PLCB1: variants seen among roughly 807,000 people sequenced by gnomAD.
PLCB1 encodes the protein 1-phosphatidylinositol 4,5-bisphosphate phosphodiesterase beta-1.
A neutral mutation model predicts 161.8 loss-of-function variants in PLCB1; 46 were observed. That is an observed-to-expected ratio of 0.28 (90% confidence interval 0.22 to 0.36). The LOEUF is 0.36. Among genes scored for constraint, PLCB1 ranks in the 10% least tolerant of loss-of-function variants. PLCB1 has a pLI of 1.00. For synonymous variants in PLCB1, 517 were observed against 503.7 expected (o/e 1.03, Z -0.35); for missense variants, 1,016 against 1,472.5 (o/e 0.69, Z 5.07).
At chr20:8,168,851 T>C (rs1361083997) in intron 2 of PLCB1, among the ~76,000 whole-genome samples, 3 of 152,098 alleles carry the variant, frequency 2.0e-5, no homozygotes, top group Non-Finnish European at 4.4e-5. Context: ...TTGGGATTCT[T>C]TACTGCAGAA....
chr20:8,845,551 T>C (rs1479369637), intron 31 of PLCB1, among the ~76,000 whole-genome samples: 1 of 152,208 alleles, frequency 6.6e-6, no homozygotes, highest in Non-Finnish European at 1.5e-5. Flanking sequence ...GGTTACCCTA[T>C]GGGATAGCAC....
chr20:8,243,030 A>G (rs543413354), intron 2 of PLCB1, among the ~76,000 whole-genome samples: 1 of 152,116 alleles, frequency 6.6e-6, no homozygotes, highest in South Asian at 2.1e-4. Flanking sequence ...CTAAATTTGC[A>G]TCGTTACGGG....
chr20:8,586,911 C>T (rs1219801889), intron 3 of PLCB1, among the ~76,000 whole-genome samples: 20 of 151,980 alleles, frequency 1.3e-4, no homozygotes, highest in Admixed American at 1.3e-3. Flanking sequence ...GTAAGTACAC[C>T]ATGGAATCTG....
chr20:8,776,930 A>T (rs76392363), intron 27 of PLCB1, among the ~76,000 whole-genome samples: 2 of 152,250 alleles, frequency 1.3e-5, no homozygotes, highest in East Asian at 1.9e-4. Flanking sequence ...GGCGATTTTA[A>T]ATAGAGTAGG....
chr20:8,578,234 G>A (rs1403394878), intron 3 of PLCB1, among the ~76,000 whole-genome samples: 1 of 152,164 alleles, frequency 6.6e-6, no homozygotes, highest in East Asian at 1.9e-4. Context: ...TTTTTGCTGA[G>A]TGAGCCAACT....
At chr20:8,329,479 T>C (rs1214289685) in intron 2 of PLCB1, among the ~76,000 whole-genome samples, 1 of 152,100 alleles carries the variant, frequency 6.6e-6, no homozygotes, top group Non-Finnish European at 1.5e-5. Context: ...CCACCACATC[T>C]ACAGCTGTTT....
At chr20:8,563,981 A>G (rs1019703380) in intron 3 of PLCB1, among the ~76,000 whole-genome samples, 1 of 152,204 alleles carries the variant, frequency 6.6e-6, no homozygotes, top group Admixed American at 6.5e-5. Context: ...TCTTCACAGA[A>G]TTAGAAAAAT....
intron 17 of PLCB1, among the ~76,000 whole-genome samples, chr20:8,727,634 C>T (rs1239960729): frequency 1.3e-5 from 2 of 152,054 alleles, no homozygotes; most frequent in Non-Finnish European, 2.9e-5. Context: ...CACCACCAAG[C>T]TCTGTGTCTT....
intron 3 of PLCB1, among the ~76,000 whole-genome samples, chr20:8,486,962 G>T (rs1402032577): frequency 2.0e-5 from 3 of 152,218 alleles, no homozygotes; most frequent in Non-Finnish European, 4.4e-5. Context: ...GTTGCAGGTG[G>T]CATAAGGCTT....
At chr20:8,790,761 G>A (rs1983716405) in intron 31 of PLCB1, among the ~76,000 whole-genome samples, 1 of 152,138 alleles carries the variant, frequency 6.6e-6, no homozygotes, top group Non-Finnish European at 1.5e-5. Context: ...GTTGATTGGG[G>A]CTCTGCTTTA....
intron 7 of PLCB1, chr20:8,651,796 C>A: frequency 3.1e-6 from 1 of 323,404 alleles, no homozygotes; most frequent in Non-Finnish European, 5.6e-6. Flanking sequence ...GAAGCTCATT[C>A]CAGAAAAAGA....
At chr20:8,268,123 C>G (rs6140576) in intron 2 of PLCB1, among the ~76,000 whole-genome samples, 11,602 of 152,060 alleles carry the variant, frequency 0.076, 558 homozygotes, top group East Asian at 0.19. Flanking sequence ...CCTCTCCCCC[C>G]ACCTCATGAC....
intron 23 of PLCB1, chr20:8,751,860 T>G (rs1981497474): frequency 6.6e-6 from 1 of 152,232 alleles, no homozygotes; most frequent in Non-Finnish European, 1.5e-5. Flanking sequence ...GTACCAGATT[T>G]TTATTCACTC....
intron 31 of PLCB1, among the ~76,000 whole-genome samples, chr20:8,799,770 C>T (rs960794974): frequency 6.6e-6 from 1 of 152,168 alleles, no homozygotes; most frequent in Non-Finnish European, 1.5e-5. Flanking sequence ...CACAGATGCT[C>T]AGGTCCTTTA....
chr20:8,279,878 G>A (rs1008942445), intron 2 of PLCB1, among the ~76,000 whole-genome samples: 1 of 152,150 alleles, frequency 6.6e-6, no homozygotes, highest in African/African-American at 2.4e-5. Context: ...GAAAGGAACT[G>A]CCCTAGAAGG....
chr20:8,684,232 ATTTAT>A (rs1990299326), intron 9 of PLCB1, among the ~76,000 whole-genome samples: 2 of 38,316 alleles, frequency 5.2e-5, no homozygotes, highest in South Asian at 1.2e-3. Flanking sequence ...CTTGTAAATT[ATTTAT>A]TTATTTATTT....
chr20:8,674,876 A>G (rs1990036299), intron 9 of PLCB1, among the ~76,000 whole-genome samples: 1 of 152,172 alleles, frequency 6.6e-6, no homozygotes, highest in Admixed American at 6.5e-5. Flanking sequence ...AGTAAGAGGG[A>G]CTGGTGAAGG....
intron 3 of PLCB1, among the ~76,000 whole-genome samples, chr20:8,378,152 T>TA (rs1987151015): frequency 6.6e-6 from 1 of 152,220 alleles, no homozygotes; most frequent in African/African-American, 2.4e-5. Context: ...CGCATACACT[T>TA]ACAATGGAAT....
chr20:8,603,136 C>A (rs1987645402), intron 3 of PLCB1, among the ~76,000 whole-genome samples: 1 of 152,158 alleles, frequency 6.6e-6, no homozygotes, highest in Non-Finnish European at 1.5e-5. Context: ...AAAATAAATT[C>A]TACTTTCTCT....
Sources: allele counts gnomAD v4.1 joint callset (sites outside exome capture counted in the v4.1 genomes callset), GRCh38; gene constraint gnomAD v4.1.1; transcripts MANE v1.5; gene names NCBI Gene and HGNC (gene_info 2026-07-23, HGNC 2026-07-21).